The following EGLN2 variants were observed in gnomAD, a reference collection of about 807,000 sequenced individuals.
The protein encoded by EGLN2 is egl-9 family hypoxia inducible factor 2, also known as prolyl hydroxylase EGLN2.
In EGLN2, 15 loss-of-function variants were observed where a neutral mutation model predicts 38.2. The observed-to-expected ratio is 0.39, with a 90% CI of 0.26 to 0.60. The LOEUF (loss-of-function observed/expected upper bound fraction) is 0.60, where lower values mean the gene tolerates loss of function less well. Among genes scored for constraint, EGLN2 ranks in the 20% least tolerant of loss-of-function variants. The probability of loss-of-function intolerance (pLI) is 0.50; values close to 1 mark genes in which losing one functional copy is unlikely to be tolerated. For missense variants in EGLN2, 492 were observed against 570.4 expected (o/e 0.86, Z 1.40); for synonymous variants, 284 against 237.4 (o/e 1.20, Z -1.81).
Position 40,800,759 on chromosome 19 carries a change from A to G in EGLN2, c.187A>G (p.Thr63Ala). 1 of 1,613,020 alleles carries G rather than the reference A, an allele frequency of 6.2e-7. No homozygotes were observed. ...VPSEASAGSGTPRATATSTTA... is the reference protein window; with the variant it reads ...VPSEASAGSGAPRATATSTTA... ...TAGTGAGGCCTCGGCAGGGAGTGGG[A>G]CCCCCAGAGCCACAGCCACCTCTAC... The change falls in exon 2 of 6, where the codon ACC becomes GCC. Residue 63 changes from threonine to alanine, a missense_variant. This residue lies in a region of EGLN2 where 378 missense variants were observed against 386.2 expected (regional missense o/e 0.98). Coordinates refer to ENST00000303961, the MANE Select transcript of EGLN2 (RefSeq NM_080732.4).
chr19:40,807,662 C>T, intron 5 of EGLN2, 111 bp downstream of exon 5: 1 of 1,432,764 alleles, frequency 7.0e-7, no homozygotes, highest in Non-Finnish European at 9.7e-7. Flanking sequence ...CATTTTTCTT[C>T]ATCTCTGCCC....
At chr19:40,802,454 T>G (rs2083269172) in intron 2 of EGLN2, among the ~76,000 whole-genome samples, 2 of 152,322 alleles carry the variant, frequency 1.3e-5, no homozygotes, top group Middle Eastern at 3.4e-3. Context: ...TCCTCTGCCT[T>G]TATGTGTTTG....
intron 2 of EGLN2, 22 bp from the exon 3 acceptor site, chr19:40,806,533 T>A: frequency 6.2e-7 from 1 of 1,613,714 alleles, no homozygotes; most frequent in Non-Finnish European, 8.5e-7. Flanking sequence ...CCAGTAAACC[T>A]ACCTCCCTCC....
Position 40,800,649 on chromosome 19 carries a change from A to G in EGLN2, c.77A>G (p.Glu26Gly), listed in dbSNP as rs149364789. ...QLPGSSSEPL[E>G]PEPGRARMGV... Reference sequence around the variant, plus strand: ...CCAGGGTCTTCGTCAGAGCCCTTGGAGCCTGAGCCTGGCCGGGCCAGGATG... The same window carrying G: ...CCAGGGTCTTCGTCAGAGCCCTTGGGGCCTGAGCCTGGCCGGGCCAGGATG... Residue 26 changes from glutamate (E) to glycine (G), a missense_variant, in exon 2 of 6, where the codon GAG becomes GGG. This residue lies in a region of EGLN2 where 378 missense variants were observed against 386.2 expected (regional missense o/e 0.98). Transcript: ENST00000303961. 1.9e-5 allele frequency: 31 copies of G among 1,613,844 alleles called. No individual in the cohort carries two copies. Among genetic ancestry groups the G allele is most frequent in the Non-Finnish European group, 2.5e-5 (29 of 1,180,010 alleles).
At position 40,800,332 on chromosome 19, in the gene EGLN2, TC is replaced by T; in HGVS notation, c.-234-6del. On this transcript the variant is annotated splice_polypyrimidine_tract_variant and splice_region_variant and intron_variant, in intron 1 of 5. Coordinates refer to ENST00000303961, the MANE Select transcript of EGLN2 (RefSeq NM_080732.4). The stretch of plus-strand genomic sequence containing the variant: ...CTCACATCCCTTTTTTTTTTTCCTT[TC>T]TCTAGCCACCCTGAAGGGTCCCTTC... 1 of 495,788 alleles carries T rather than the reference TC, an allele frequency of 2.0e-6. No individual in the cohort carries two copies. The highest frequency in any genetic ancestry group is 3.5e-6 in the Non-Finnish European group (1 of 285,548). The allele number at this position is 495,788 out of a possible 1,614,324, so 30.7% of individuals were successfully genotyped here.
At chr19:40,806,810 TGC>T in intron 3 of EGLN2, 136 bp downstream of exon 3, 1 of 1,245,616 alleles carries the variant, frequency 8.0e-7, no homozygotes, top group African/African-American at 1.5e-5. Flanking sequence ...CAGCGGGCAG[TGC>T]GATCTGCCGG....
Position 40,800,773 on chromosome 19 carries a change from A to G in EGLN2, c.201A>G (p.Thr67=), listed in dbSNP as rs1428754713. 1.9e-6 allele frequency: 3 copies of G among 1,613,208 alleles called. No individual in the cohort carries two copies. The South Asian group carries it at 3.3e-5, about 18-fold the overall frequency. The part of the protein sequence containing the change: ...ASAGSGTPRA[T]ATSTTASPLR... The stretch of plus-strand genomic sequence containing the variant: ...CAGGGAGTGGGACCCCCAGAGCCAC[A>G]GCCACCTCTACCACTGCCAGCCCTC... Residue 67 remains threonine (T), a synonymous_variant, in exon 2 of 6, where the codon ACA becomes ACG. Coordinates refer to ENST00000303961, the MANE Select transcript of EGLN2 (RefSeq NM_080732.4).
chr19:40,807,307 T>C (rs1568503397), intron 4 of EGLN2, 33 bp downstream of exon 4: 1 of 1,613,454 alleles, frequency 6.2e-7, no homozygotes, highest in Non-Finnish European at 8.5e-7. Flanking sequence ...CGCACCCAGG[T>C]GCTCCCCCTG....
In EGLN2 at chr19:40,807,115, C is replaced by T. The variant is rs771188594; in HGVS notation, c.964-23C>T. The T allele has an allele frequency of 3.7e-6, 6 of 1,613,652 alleles. No individual in the cohort carries two copies. The African/African-American group carries it at 8.0e-5, about 21-fold the overall frequency. Reference sequence around the variant, plus strand: ...GCGGCTCCTGGCCGTACCAGCTAGCCTCATCCTTTGGCCTGCCCCCAGGTG... The same window carrying T: ...GCGGCTCCTGGCCGTACCAGCTAGCTTCATCCTTTGGCCTGCCCCCAGGTG... On this transcript the variant is annotated intron_variant, in intron 3 of 5. Coordinates refer to ENST00000303961, the MANE Select transcript of EGLN2 (RefSeq NM_080732.4).
At chr19:40,804,753 C>T (rs1332474375) in intron 2 of EGLN2, 1 of 152,240 alleles carries the variant, frequency 6.6e-6, no homozygotes, top group African/African-American at 2.4e-5. Context: ...GAGTGCCGAC[C>T]CTTCCATAGG....
At chr19:40,806,802 G>C (rs2083305339) in intron 3 of EGLN2, 128 bp downstream of exon 3, 1 of 1,305,358 alleles carries the variant, frequency 7.7e-7, no homozygotes, top group Non-Finnish European at 1.1e-6. Flanking sequence ...TCAACACACA[G>C]CGGGCAGTGC....
rs568252926 is a variant in EGLN2, at chr19:40,806,525, A to G, written c.844-30A>G. 3.7e-6 allele frequency: 6 copies of G among 1,613,342 alleles called. No individual in the cohort carries two copies. The African/African-American group carries it at 6.7e-5, about 18-fold the overall frequency. On this transcript the variant is annotated intron_variant, in intron 2 of 5. Transcript: ENST00000303961. Reference sequence around the variant, plus strand: ...CTCTAAGATGTGCCTGCCTAGCCCCAGTAAACCTACCTCCCTCCATCCCTG... The same window carrying G: ...CTCTAAGATGTGCCTGCCTAGCCCCGGTAAACCTACCTCCCTCCATCCCTG...
At position 40,808,288 on chromosome 19, in the gene EGLN2, G is replaced by A. The variant is rs117370786; in HGVS notation, c.*424G>A. On this transcript the variant is annotated 3_prime_UTR_variant, in exon 6 of 6. Transcript: ENST00000303961. ...TCCTCTCACTCCTCCAGCCTGGAAT[G>A]TGAAGTGACTCCCCAACCCCTTTGG... 1.4e-3 allele frequency: 603 copies of A among 417,030 alleles called. 9 individuals are homozygous for A. The East Asian group carries it at 0.019, about 13-fold the overall frequency. The allele number at this position is 417,030 out of a possible 1,614,324, so 25.8% of individuals were successfully genotyped here.
chr19:40,801,295 C>T lies in EGLN2; in HGVS notation c.723C>T (p.Ala241=), dbSNP rs925603892. 1.9e-6 allele frequency: 3 copies of T among 1,613,178 alleles called. No individual in the cohort carries two copies. Among genetic ancestry groups the T allele is most frequent in the South Asian group, 1.1e-5 (1 of 91,090 alleles). Residue 241 remains alanine, a synonymous_variant, in exon 2 of 6, where the codon GCC becomes GCT. Coordinates refer to ENST00000303961, the MANE Select transcript of EGLN2 (RefSeq NM_080732.4). ...PPRSIRGDQI[A]WVEGHEPGCR... is the part of the protein sequence containing the mutation. ...GCAGCATCCGTGGGGACCAGATTGC[C>T]TGGGTGGAAGGCCATGAACCAGGCT... is the stretch of plus-strand genomic sequence containing the variant.
chr19:40,799,408 G>C (rs2083233292), intron 1 of EGLN2, 146 bp downstream of exon 1: 1 of 145,518 alleles, frequency 6.9e-6, no homozygotes, highest in Admixed American at 6.7e-5. Context: ...GCGCGGGGGA[G>C]GGGACGCGCG....
At chr19:40,802,355 C>T (rs1223195051) in intron 2 of EGLN2, among the ~76,000 whole-genome samples, 1 of 152,114 alleles carries the variant, frequency 6.6e-6, no homozygotes, top group Non-Finnish European at 1.5e-5. Context: ...GGAGCTCATC[C>T]CCATGTCTCC....
Position 40,803,512 on chromosome 19 carries a change from C to T in EGLN2, c.843+2097C>T, listed in dbSNP as rs116649819. 2.0e-3 allele frequency among the ~76,000 whole-genome samples: 308 copies of T among 152,306 alleles called. 1 individual carries two copies. Among genetic ancestry groups the T allele is most frequent in the African/African-American group, 7.1e-3 (294 of 41,558 alleles). ...TAGATGGGCCCCATCTGGACTCTCT[C>T]CTGTACTCCAGAGTAAGGCTGTGGG... On this transcript the variant is annotated intron_variant, in intron 2 of 5. Coordinates refer to ENST00000303961, the MANE Select transcript of EGLN2 (RefSeq NM_080732.4).
chr19:40,800,824 T>A lies in EGLN2; in HGVS notation c.252T>A (p.Asp84Glu), dbSNP rs1383898905. ...TTCGGGACGGTTTTGGCGGGCAGGA[T>A]GGTGGTGAGCTGCGGCCGCTGCAGA... is the stretch of plus-strand genomic sequence containing the variant. ...SPLRDGFGGQ[D>E]GGELRPLQSE... Residue 84 changes from aspartate to glutamate, a missense_variant, in exon 2 of 6, where the codon GAT (aspartate) becomes GAA (glutamate). Physicochemically the swap from Asp to Glu is conservative, Grantham distance 45. Around this residue, in one of 2 missense-constraint regions of EGLN2, gnomAD observed 378 missense variants for 386.2 expected, o/e 0.98. Coordinates refer to ENST00000303961, the MANE Select transcript of EGLN2 (RefSeq NM_080732.4). 6.2e-7 allele frequency: 1 copy of A among 1,613,156 alleles called. No homozygotes were observed. Among genetic ancestry groups the A allele is most frequent in the Admixed American group, 1.7e-5 (1 of 59,992 alleles).
rs568530112 is a variant in EGLN2, at chr19:40,808,194, A to G, written c.*330A>G. On this transcript the variant is annotated 3_prime_UTR_variant, in exon 6 of 6. Coordinates refer to ENST00000303961, the MANE Select transcript of EGLN2 (RefSeq NM_080732.4). Reference sequence around the variant, plus strand: ...GGAGGCATTGTCACTTCCCACCAGGATGCAGGACTTGGGGTTGAGGTGAGT... The same window carrying G: ...GGAGGCATTGTCACTTCCCACCAGGGTGCAGGACTTGGGGTTGAGGTGAGT... The G allele has an allele frequency of 1.7e-5, 8 of 470,756 alleles. No homozygotes were observed. Among genetic ancestry groups the G allele is most frequent in the African/African-American group, 1.2e-4 (6 of 50,420 alleles). The allele number at this position is 470,756 out of a possible 1,614,324, so 29.2% of individuals were successfully genotyped here.
Sources: gnomAD v4.1 joint callset for allele counts (sites outside exome capture counted in the v4.1 genomes callset) on GRCh38, gnomAD v4.1.1 for gene constraint, gnomAD v4.1.1 regional missense constraint, MANE v1.5 for transcripts, NCBI Gene and HGNC (gene_info 2026-07-23, HGNC 2026-07-21) for gene names.